The following ASAP2 variants were observed in gnomAD, a reference collection of about 807,000 sequenced individuals.
ASAP2 encodes ArfGAP with SH3 domain, ankyrin repeat and PH domain 2.
ASAP2 carries 45 observed loss-of-function variants against 131.4 expected under a neutral mutation model. The ratio of observed to expected loss-of-function variants is 0.34; its 90% CI spans 0.27 to 0.44. The LOEUF (loss-of-function observed/expected upper bound fraction) is 0.44, where lower values mean the gene tolerates loss of function less well. Among genes scored for constraint, ASAP2 ranks in the 20% least tolerant of loss-of-function variants. ASAP2 has a pLI of 1.00. For missense variants in ASAP2, 1,011 were observed against 1,297.0 expected (o/e 0.78, Z 3.39); for synonymous variants, 510 against 503.0 (o/e 1.01, Z -0.19).
At chr2:9,233,197 G>A (rs1663286452) in intron 1 of ASAP2, among the ~76,000 whole-genome samples, 1 of 152,158 alleles carries the variant, frequency 6.6e-6, no homozygotes, top group Non-Finnish European at 1.5e-5. Flanking sequence ...GATAGTGATC[G>A]ATGTCTGTGT....
At chr2:9,220,704 A>G (rs1256593486) in intron 1 of ASAP2, among the ~76,000 whole-genome samples, 10 of 152,220 alleles carry the variant, frequency 6.6e-5, no homozygotes, top group Non-Finnish European at 1.3e-4. Context: ...TTTAATTTTG[A>G]TGACATCCAG....
rs1661150713 is a variant in ASAP2, at chr2:9,206,996, C to T, written c.-109C>T. ...CCCGGCGCTCCCCTTTGTCCGCGGG[C>T]CGGAGCGGCGGCGGCAGCGGCGGTG... On this transcript the variant is annotated 5_prime_UTR_variant, in exon 1 of 28. Transcript: ENST00000281419. This position sits in a 1 kb window ranked among gnomAD's most constrained non-coding sequence, Gnocchi z 4.0. The T allele has an allele frequency of 9.8e-7, 1 of 1,017,978 alleles. No individual in the cohort carries two copies. The highest frequency in any genetic ancestry group is 1.7e-5 in the African/African-American group (1 of 57,636). The allele number at this position is 1,017,978 out of a possible 1,614,324, so 63.1% of individuals were successfully genotyped here. A position where few individuals can be genotyped will look rare whatever the true frequency, so the allele number is the denominator to read the frequency against.
chr2:9,396,805 C>T (rs748007840), intron 24 of ASAP2, among the ~76,000 whole-genome samples: 1 of 152,184 alleles, frequency 6.6e-6, no homozygotes, highest in Non-Finnish European at 1.5e-5. Flanking sequence ...AGTTCAAGAC[C>T]TGCATGGCCA....
chr2:9,288,324 A>T (rs1667595786), intron 2 of ASAP2, among the ~76,000 whole-genome samples: 2 of 152,174 alleles, frequency 1.3e-5, no homozygotes, highest in South Asian at 4.1e-4. Context: ...CACGTATGTC[A>T]TCTCCACAGT....
At chr2:9,383,712 G>A (rs1457102152) in intron 20 of ASAP2, among the ~76,000 whole-genome samples, 1 of 152,090 alleles carries the variant, frequency 6.6e-6, no homozygotes, top group Non-Finnish European at 1.5e-5. Flanking sequence ...ACATGCACAC[G>A]TATGTTTATT....
At chr2:9,309,480 G>T (rs1669156099) in intron 3 of ASAP2, among the ~76,000 whole-genome samples, 1 of 152,204 alleles carries the variant, frequency 6.6e-6, no homozygotes, top group South Asian at 2.1e-4. Flanking sequence ...CCAGAGACTT[G>T]GGGGTAAGGA....
At chr2:9,385,398 C>T in intron 21 of ASAP2, 40 bp downstream of exon 21, 2 of 1,480,952 alleles carry the variant, frequency 1.4e-6, no homozygotes. Flanking sequence ...TTTTGATCAG[C>T]TTCATCCAGA....
intron 1 of ASAP2, among the ~76,000 whole-genome samples, chr2:9,221,186 G>A (rs1022816165): frequency 6.6e-6 from 1 of 151,720 alleles, no homozygotes; most frequent in African/African-American, 2.4e-5. Context: ...TTCAATTCCT[G>A]CAAAAAAGCC....
In ASAP2 at chr2:9,345,585, C is replaced by T. The variant is rs550355233; in HGVS notation, c.1023+785C>T. On this transcript the variant is annotated intron_variant, in intron 11 of 27. Transcript: ENST00000281419. ...GACAGCTTTGGTAACATCTCAAGGCCGAGGTCGTTGCCTTTTTGTTGCTAG... is the reference window on the plus strand; with the variant it reads ...GACAGCTTTGGTAACATCTCAAGGCTGAGGTCGTTGCCTTTTTGTTGCTAG... 8.7e-4 allele frequency among the ~76,000 whole-genome samples: 132 copies of T among 152,174 alleles called. 1 individual carries two copies. Among genetic ancestry groups the T allele is most frequent in the Non-Finnish European group, 1.8e-4 (12 of 68,012 alleles).
intron 3 of ASAP2, among the ~76,000 whole-genome samples, chr2:9,312,126 G>A (rs1397350380): frequency 3.3e-5 from 5 of 152,190 alleles, no homozygotes; most frequent in Non-Finnish European, 5.9e-5. Flanking sequence ...CCTCAAATCC[G>A]TTTTAGGACA....
At chr2:9,251,674 A>G (rs1235896189) in intron 1 of ASAP2, among the ~76,000 whole-genome samples, 1 of 152,068 alleles carries the variant, frequency 6.6e-6, no homozygotes, top group Non-Finnish European at 1.5e-5. Context: ...TGTTGAATTC[A>G]TGGGGTCTTT....
intron 1 of ASAP2, among the ~76,000 whole-genome samples, chr2:9,225,404 G>C (rs1469598672): frequency 6.6e-6 from 1 of 152,130 alleles, no homozygotes; most frequent in East Asian, 1.9e-4. Flanking sequence ...TTGGTATGGT[G>C]ACCCAGGGAC....
intron 2 of ASAP2, among the ~76,000 whole-genome samples, chr2:9,286,652 C>G (rs1483935804): frequency 1.3e-5 from 2 of 152,074 alleles, no homozygotes; most frequent in Non-Finnish European, 2.9e-5. Context: ...GAAGGAGATC[C>G]ATGCACAAAG....
intron 1 of ASAP2, among the ~76,000 whole-genome samples, chr2:9,241,060 T>C (rs544181595): frequency 6.6e-6 from 1 of 152,344 alleles, no homozygotes; most frequent in Admixed American, 6.5e-5. Context: ...ATTGCTTATT[T>C]CTGGACTTTT....
At chr2:9,365,875 A>C (rs1480521226) in intron 15 of ASAP2, among the ~76,000 whole-genome samples, 2 of 152,216 alleles carry the variant, frequency 1.3e-5, no homozygotes, top group African/African-American at 4.8e-5. Context: ...TCCTGAGGCC[A>C]CAGGAAGGGC....
At chr2:9,333,743 G>A (rs911015977) in intron 7 of ASAP2, among the ~76,000 whole-genome samples, 1 of 152,126 alleles carries the variant, frequency 6.6e-6, no homozygotes, top group Non-Finnish European at 1.5e-5. Flanking sequence ...GGAAATGCCC[G>A]TTCTTCATTC....
chr2:9,309,408 A>C (rs536966111), intron 3 of ASAP2, among the ~76,000 whole-genome samples: 1 of 152,348 alleles, frequency 6.6e-6, no homozygotes, highest in African/African-American at 2.4e-5. Context: ...ATGATTCCAG[A>C]TACCGTATAT....
At chr2:9,337,218 T>C (rs1208867469) in intron 9 of ASAP2, among the ~76,000 whole-genome samples, 1 of 152,248 alleles carries the variant, frequency 6.6e-6, no homozygotes, top group African/African-American at 2.4e-5. Context: ...AAGACCTAAC[T>C]CAACAGTCTC....
At chr2:9,279,479 G>A (rs41264165) in intron 2 of ASAP2, 90 bp downstream of exon 2, 115,400 of 1,206,152 alleles carry the variant, frequency 0.096, 5,888 homozygotes, top group Admixed American at 0.16. Context: ...ATTAACAAAT[G>A]AGCCAGCTAG....
Sources: allele counts gnomAD v4.1 joint callset (sites outside exome capture counted in the v4.1 genomes callset), GRCh38; gene constraint gnomAD v4.1.1; non-coding constraint Gnocchi (gnomAD v3.1); transcripts MANE v1.5; gene names NCBI Gene and HGNC (gene_info 2026-07-23, HGNC 2026-07-21).